Variants in WDR31 observed in about 807,000 individuals in gnomAD.
The protein encoded by WDR31 is WD repeat domain 31, also known as WD repeat-containing protein 31.
WDR31 carries 30 observed loss-of-function variants against 47.3 expected under a neutral mutation model. The observed-to-expected ratio is 0.63, with a 90% CI of 0.47 to 0.86. The LOEUF (loss-of-function observed/expected upper bound fraction) is 0.86, where lower values mean the gene tolerates loss of function less well. Ranked by LOEUF, WDR31 falls within the 40% of genes least tolerant of loss-of-function variation. WDR31 has a pLI of 0.00. For missense variants in WDR31, 406 were observed against 442.9 expected (o/e 0.92, Z 0.75); for synonymous variants, 137 against 159.4 (o/e 0.86, Z 1.06).
At position 113,331,893 on chromosome 9, in the gene WDR31, G is replaced by C; in HGVS notation, c.116+14C>G. On this transcript the variant is annotated intron_variant, in intron 3 of 10. Transcript: ENST00000374193. The stretch of plus-strand genomic sequence containing the variant: ...CATGATAAAACCTGGGCTCCCAGGG[G>C]AGGATTGCAGTACCCGTATTTATAA... The C allele has an allele frequency of 6.2e-7, 1 of 1,611,430 alleles. No individual in the cohort carries two copies. The highest frequency in any genetic ancestry group is 8.5e-7 in the Non-Finnish European group (1 of 1,177,954).
intron 9 of WDR31, 58 bp from the exon 10 acceptor site, chr9:113,318,695 A>T (rs1833264764): frequency 3.2e-6 from 5 of 1,583,616 alleles, no homozygotes; most frequent in Non-Finnish European, 3.5e-6. Context: ...ATCCATGAAT[A>T]TCTATCTCCC....
Position 113,328,917 on chromosome 9 carries a change from C to T in WDR31, c.288G>A (p.Val96=). 1 of 1,614,110 alleles carries T rather than the reference C, an allele frequency of 6.2e-7. No individual in the cohort carries two copies. Among genetic ancestry groups the T allele is most frequent in the Non-Finnish European group, 8.5e-7 (1 of 1,179,968 alleles). ...CATGTTCATGTCCTTTGAACCTTTT[C>T]ACCACATTTCCAGTTTTCCAATTAT... ...VAYNWKTGNV[V]KRFKGHEHEI... Residue 96 remains valine, a synonymous_variant, in exon 5 of 11, where the codon GTG becomes GTA. Coordinates refer to ENST00000374193, the MANE Select transcript of WDR31 (RefSeq NM_001012361.4).
intron 10 of WDR31, among the ~76,000 whole-genome samples, chr9:113,318,008 A>C (rs1833246167): frequency 6.6e-6 from 1 of 152,218 alleles, no homozygotes; most frequent in African/African-American, 2.4e-5. Flanking sequence ...GGGTTGCATA[A>C]GACATCTTTT....
At chr9:113,334,443 G>A (rs1833673172) in intron 2 of WDR31, among the ~76,000 whole-genome samples, 1 of 151,944 alleles carries the variant, frequency 6.6e-6, no homozygotes, top group African/African-American at 2.4e-5. Flanking sequence ...ATAAAATGAT[G>A]TTTTATGTTA....
chr9:113,339,156 G>T (rs1410891555), intron 1 of WDR31, among the ~76,000 whole-genome samples: 1 of 152,160 alleles, frequency 6.6e-6, no homozygotes, highest in African/African-American at 2.4e-5. Flanking sequence ...GCTTTCCAAA[G>T]GCCTTGGGAT....
intron 1 of WDR31, among the ~76,000 whole-genome samples, chr9:113,339,937 G>A (rs1469489490): frequency 2.0e-5 from 3 of 152,100 alleles, no homozygotes; most frequent in African/African-American, 7.2e-5. Context: ...GTTTCACTGT[G>A]TTGCCCAGGA....
At position 113,329,087 on chromosome 9, in the gene WDR31, C is replaced by A. The variant is rs79611441; in HGVS notation, c.250-132G>T. 8.2e-3 allele frequency: 6,531 copies of A among 797,730 alleles called. 303 individuals carry two copies. In the African/African-American group the frequency reaches 0.097, roughly 12 times the overall value. The allele number at this position is 797,730 out of a possible 1,614,324, so 49.4% of individuals were successfully genotyped here. The stretch of plus-strand genomic sequence containing the variant: ...TGCTCAGGAACTTGCTCAAAGCATT[C>A]GGGGTTCCCTGTTGTGGCCGTCCCT... On this transcript the variant is annotated intron_variant, in intron 4 of 10. Transcript: ENST00000374193.
chr9:113,326,330 C>T (rs764864419), intron 5 of WDR31, among the ~76,000 whole-genome samples: 3 of 152,172 alleles, frequency 2.0e-5, no homozygotes, highest in Admixed American at 6.5e-5. Flanking sequence ...CAACACTCTC[C>T]GCACATACAG....
rs554295706 is a variant in WDR31 at position 113,314,337 on chromosome 9, C to G, written c.*2412G>C. ...TGAAGCGATTCTCCTGCCTCAGCCT[C>G]CTGAGTAGCTGGGACTACAGGCGGG... On this transcript the variant is annotated 3_prime_UTR_variant, in exon 11 of 11. Transcript: ENST00000374193. The G allele has an allele frequency of 6.0e-5, 9 of 150,784 alleles. No homozygotes were observed. Among genetic ancestry groups the G allele is most frequent in the African/African-American group, 1.9e-4 (8 of 41,062 alleles). 9.3% of individuals were successfully genotyped at this position (150,784 alleles called of 1,614,324 possible).
At chr9:113,335,735 T>C (rs1384069600) in intron 2 of WDR31, among the ~76,000 whole-genome samples, 2 of 152,198 alleles carry the variant, frequency 1.3e-5, no homozygotes, top group African/African-American at 4.8e-5. Flanking sequence ...GCCTAGGATC[T>C]ACCCCAGCCC....
chr9:113,318,430 G>A, intron 10 of WDR31, 45 bp downstream of exon 10: 2 of 1,611,222 alleles, frequency 1.2e-6, no homozygotes, highest in Non-Finnish European at 1.7e-6. Flanking sequence ...GAAGGTTTTA[G>A]GACTTCATGT....
At chr9:113,339,981 C>G (rs1438368113) in intron 1 of WDR31, among the ~76,000 whole-genome samples, 1 of 152,194 alleles carries the variant, frequency 6.6e-6, no homozygotes, top group Non-Finnish European at 1.5e-5. Flanking sequence ...GCAATCCACC[C>G]GCCTCGGCCT....
chr9:113,324,018 C>T (rs1833393223), intron 5 of WDR31, among the ~76,000 whole-genome samples: 1 of 150,674 alleles, frequency 6.6e-6, no homozygotes, highest in Non-Finnish European at 1.5e-5. Flanking sequence ...CTGATCTCTT[C>T]CATCGTGTTT....
chr9:113,326,937 G>A (rs1468710953), intron 5 of WDR31, among the ~76,000 whole-genome samples: 1 of 151,972 alleles, frequency 6.6e-6, no homozygotes, highest in Non-Finnish European at 1.5e-5. Flanking sequence ...ATGGACTCAA[G>A]TGATCCTTCC....
intron 7 of WDR31, 93 bp downstream of exon 7, chr9:113,322,718 C>T (rs968165885): frequency 3.8e-5 from 49 of 1,301,372 alleles, no homozygotes; most frequent in Non-Finnish European, 4.8e-5. Flanking sequence ...GCTCTAATTT[C>T]TGCTCATGGG....
Position 113,339,086 on chromosome 9 carries a change from T to C in WDR31, c.-182+1131A>G, listed in dbSNP as rs149722823. On this transcript the variant is annotated intron_variant, in intron 1 of 10. Coordinates refer to ENST00000374193, the MANE Select transcript of WDR31 (RefSeq NM_001012361.4). ...TCAGTTATGGCTCTGGATGTCCCTG[T>C]TGGTTCCAGTTGGAACCAGGCCTCG... Among the ~76,000 whole-genome samples the C allele has an allele frequency of 8.1e-3, 1,234 of 152,340 alleles. 8 individuals are homozygous for C. The highest frequency in any genetic ancestry group is 1.0e-2 in the Non-Finnish European group (679 of 68,036).
In WDR31 at chr9:113,316,510, C is replaced by A; in HGVS notation, c.*239G>T. 1 of 431,590 alleles carries A rather than the reference C, an allele frequency of 2.3e-6. No homozygotes were observed. Among genetic ancestry groups the A allele is most frequent in the East Asian group, 3.5e-5 (1 of 28,620 alleles). 26.7% of individuals were successfully genotyped at this position (431,590 alleles called of 1,614,324 possible). On this transcript the variant is annotated 3_prime_UTR_variant, in exon 11 of 11. Transcript: ENST00000374193. ...GTCCTAAAAGCTCACTAAAAAGTTGCATTTGTATTTAACTTAAATAGAGAA... is the reference window on the plus strand; with the variant it reads ...GTCCTAAAAGCTCACTAAAAAGTTGAATTTGTATTTAACTTAAATAGAGAA...
chr9:113,318,922 C>T (rs1833268864), intron 9 of WDR31, among the ~76,000 whole-genome samples: 1 of 152,148 alleles, frequency 6.6e-6, no homozygotes, highest in African/African-American at 2.4e-5. Flanking sequence ...GTAAAAGCTC[C>T]CAGTCCTACA....
chr9:113,331,171 G>A, intron 3 of WDR31, 55 bp from the exon 4 acceptor site: 1 of 1,280,994 alleles, frequency 7.8e-7, no homozygotes, highest in Non-Finnish European at 1.1e-6. Context: ...GATGGGGGTG[G>A]GGTGGGGTGG....
Sources: gnomAD v4.1 joint callset for allele counts (sites outside exome capture counted in the v4.1 genomes callset) on GRCh38, gnomAD v4.1.1 for gene constraint, MANE v1.5 for transcripts, NCBI Gene and HGNC (gene_info 2026-07-23, HGNC 2026-07-21) for gene names.